Variants in POFUT3 observed in about 807,000 individuals in gnomAD.
POFUT3 encodes the protein protein O-fucosyltransferase 3.
chr8:33,421,097 T>G, the POFUT3 span, among the ~76,000 whole-genome samples: 1 of 152,042 alleles, frequency 6.6e-6, no homozygotes, highest in African/African-American at 2.4e-5. Flanking sequence ...TTTTAAAATT[T>G]TTATCAAATT....
chr8:33,350,823 G>A, the POFUT3 span, among the ~76,000 whole-genome samples: 3 of 152,256 alleles, frequency 2.0e-5, no homozygotes, highest in South Asian at 6.2e-4. Context: ...AGTATTGACT[G>A]CAAAGAGAAA....
At chr8:33,329,159 T>TC in the POFUT3 span, among the ~76,000 whole-genome samples, 40,436 of 152,046 alleles carry the variant, frequency 0.27, 5,793 homozygotes, top group South Asian at 0.5. Context: ...ACATCAAGTG[T>TC]CCGTCTTTCC....
At chr8:33,380,037 T>TACTATATATATACACTATATATATAC in the POFUT3 span, among the ~76,000 whole-genome samples, 1 of 70,662 alleles carries the variant, frequency 1.4e-5, no homozygotes, top group African/African-American at 7.3e-5. Context: ...ACTATATATA[T>TACTATATATATACACTATATATATAC]ACGATATATA....
the POFUT3 span, among the ~76,000 whole-genome samples, chr8:33,425,335 TA>T: frequency 5.3e-4 from 81 of 152,070 alleles, 2 homozygotes; most frequent in African/African-American, 1.9e-3. Flanking sequence ...CCCTTTCTCT[TA>T]AAAAAATAAA....
chr8:33,461,313 G>A, the POFUT3 span: 2 of 1,533,124 alleles, frequency 1.3e-6, no homozygotes, highest in East Asian at 2.3e-5. Context: ...GAAAATAGGG[G>A]GTAGGGGGAC....
chr8:33,384,334 A>C, the POFUT3 span, among the ~76,000 whole-genome samples: 1 of 152,210 alleles, frequency 6.6e-6, no homozygotes, highest in East Asian at 1.9e-4. Flanking sequence ...TCAATGCTAA[A>C]GCTTCTGATA....
chr8:33,471,211 C>G, the POFUT3 span, among the ~76,000 whole-genome samples: 1 of 151,788 alleles, frequency 6.6e-6, no homozygotes, highest in Non-Finnish European at 1.5e-5. Context: ...CTTTACATTC[C>G]GAGGTTGGTT....
chr8:33,347,266 G>T, the POFUT3 span, among the ~76,000 whole-genome samples: 1 of 152,164 alleles, frequency 6.6e-6, no homozygotes, highest in Non-Finnish European at 1.5e-5. Flanking sequence ...GCACTGTTTG[G>T]TTGTATTTTC....
At chr8:33,414,318 C>T in the POFUT3 span, among the ~76,000 whole-genome samples, 1 of 152,100 alleles carries the variant, frequency 6.6e-6, no homozygotes, top group Admixed American at 6.6e-5. Flanking sequence ...ACCACCTCCC[C>T]CAGAGCTCAG....
At chr8:33,432,315 G>A in the POFUT3 span, among the ~76,000 whole-genome samples, 2 of 151,332 alleles carry the variant, frequency 1.3e-5, no homozygotes, top group South Asian at 2.1e-4. Context: ...GCTGAGGCAG[G>A]AGAACTGCTT....
At chr8:33,314,406 A>C in the POFUT3 span, among the ~76,000 whole-genome samples, 1 of 152,210 alleles carries the variant, frequency 6.6e-6, no homozygotes, top group East Asian at 1.9e-4. Context: ...TCAAAAAGGC[A>C]CTAACAGACA....
chr8:33,388,118 C>T, the POFUT3 span, among the ~76,000 whole-genome samples: 6,943 of 152,154 alleles, frequency 0.046, 519 homozygotes, highest in African/African-American at 0.16. Flanking sequence ...ATTATCCCCA[C>T]CATTATTTCA....
chr8:33,371,081 T>C, the POFUT3 span: 3 of 152,140 alleles, frequency 2.0e-5, no homozygotes. Flanking sequence ...ATGAAGAATG[T>C]TACACAGGGG....
the POFUT3 span, among the ~76,000 whole-genome samples, chr8:33,422,437 T>C: frequency 6.3e-5 from 9 of 143,288 alleles, no homozygotes; most frequent in Non-Finnish European, 1.4e-4. Context: ...CCCAGTTACT[T>C]GGGAGGCTGA....
chr8:33,471,750 A>G, the POFUT3 span, among the ~76,000 whole-genome samples: 2,283 of 152,284 alleles, frequency 0.015, 68 homozygotes, highest in African/African-American at 0.052. Context: ...CTTATTGTAG[A>G]AGACAAGCAA....
chr8:33,458,830 A>G, the POFUT3 span, among the ~76,000 whole-genome samples: 6 of 152,210 alleles, frequency 3.9e-5, no homozygotes, highest in Non-Finnish European at 7.3e-5. Context: ...ACAAACAAGG[A>G]AAGAGACACA....
At chr8:33,445,306 CA>C in the POFUT3 span, among the ~76,000 whole-genome samples, 1 of 151,990 alleles carries the variant, frequency 6.6e-6, no homozygotes. Context: ...TGCCACTTCC[CA>C]AAAAAGTCTT....
the POFUT3 span, chr8:33,461,709 A>T: frequency 7.2e-7 from 1 of 1,387,776 alleles, no homozygotes; most frequent in Non-Finnish European, 9.5e-7. Context: ...TCCAAATAAG[A>T]AGGAATCAAA....
chr8:33,460,820 A>G, the POFUT3 span: 1 of 876,050 alleles, frequency 1.1e-6, no homozygotes, highest in South Asian at 5.2e-5. Flanking sequence ...TCTCCCTGCC[A>G]GAGGTTTTTT....
Sources: allele counts gnomAD v4.1 joint callset (sites outside exome capture counted in the v4.1 genomes callset), GRCh38; gene constraint gnomAD v4.1.1; transcripts MANE v1.5; gene names NCBI Gene and HGNC (gene_info 2026-07-23, HGNC 2026-07-21).